Variants in BACE2 observed in about 807,000 individuals in gnomAD.
BACE2 encodes the protein 56 kDa aspartic-like protease.
In BACE2, 17 loss-of-function variants were observed where a neutral mutation model predicts 46.2. The ratio of observed to expected loss-of-function variants is 0.37; its 90% CI spans 0.25 to 0.55. BACE2 has a LOEUF of 0.55. Among genes scored for constraint, BACE2 ranks in the 20% least tolerant of loss-of-function variants. The pLI is 0.82. For synonymous variants in BACE2, 277 were observed against 295.9 expected (o/e 0.94, Z 0.66); for missense variants, 595 against 698.1 (o/e 0.85, Z 1.66).
rs567852125 is a variant in BACE2, at chr21:41,193,976, A to C, written c.312+25401A>C. On this transcript the variant is annotated intron_variant, in intron 1 of 8. Coordinates refer to ENST00000330333, the MANE Select transcript of BACE2 (RefSeq NM_012105.5). The surrounding 1 kb of genome is among the most constrained non-coding windows in gnomAD (Gnocchi z 4.2). ...TTGGGGAAGGATGGGAGAAAGATTC[A>C]CTGCATACATTGTCGGTAATGTAGT... Among the ~76,000 whole-genome samples, 1 of 152,178 alleles carries C rather than the reference A, an allele frequency of 6.6e-6. No homozygotes were observed. The highest frequency in any genetic ancestry group is 2.4e-5 in the African/African-American group (1 of 41,438).
chr21:41,184,397 A>G (rs934358393), intron 1 of BACE2: 2 of 167,090 alleles, frequency 1.2e-5, no homozygotes, highest in African/African-American at 2.4e-5. Flanking sequence ...AATTTGAAGA[A>G]CATAGTCAAC....
chr21:41,276,733 A>G lies in BACE2; in HGVS notation c.*1109A>G, dbSNP rs1042276910. The G allele has an allele frequency of 6.6e-6, 1 of 152,280 alleles. No homozygotes were observed. The allele number at this position is 152,280 out of a possible 1,614,324, so 9.4% of individuals were successfully genotyped here. A position where few individuals can be genotyped will look rare whatever the true frequency, so the allele number is the denominator to read the frequency against. On this transcript the variant is annotated 3_prime_UTR_variant, in exon 9 of 9. Transcript: ENST00000330333. ...CAGGGAAGGAAGATGCAAGATGTGC[A>G]GAAGACACAAGGTAACGTCTACTTA...
At position 41,168,217 on chromosome 21, in the gene BACE2, G is replaced by C; in HGVS notation, c.-47G>C. On this transcript the variant is annotated 5_prime_UTR_variant, in exon 1 of 9. Coordinates refer to ENST00000330333, the MANE Select transcript of BACE2 (RefSeq NM_012105.5). The stretch of plus-strand genomic sequence containing the variant: ...TCGCTGAGCCGCGGCTGCCGGACGG[G>C]ACGGGACCGGCTAGGCTGGGCGCGC... The C allele has an allele frequency of 9.3e-7, 1 of 1,075,052 alleles. No individual in the cohort carries two copies. The highest frequency in any genetic ancestry group is 5.1e-5 in the Admixed American group (1 of 19,766). The allele number at this position is 1,075,052 out of a possible 1,614,324, so 66.6% of individuals were successfully genotyped here. A position where few individuals can be genotyped will look rare whatever the true frequency, so the allele number is the denominator to read the frequency against.
rs1985630080 is a variant in BACE2 at position 41,193,118 on chromosome 21, C to CGTG, written c.312+24545_312+24547dup. 6.6e-6 allele frequency among the ~76,000 whole-genome samples: 1 copy of CGTG among 152,140 alleles called. No individual in the cohort carries two copies. Among genetic ancestry groups the CGTG allele is most frequent in the Non-Finnish European group, 1.5e-5 (1 of 68,028 alleles). On this transcript the variant is annotated intron_variant, in intron 1 of 8. Transcript: ENST00000330333. This position sits in a 1 kb window ranked among gnomAD's most constrained non-coding sequence, Gnocchi z 4.2. ...AAACTAATGGACCAGTGTGATATCT[C>CGTG]GTGGAAACGAAAAGCGATCAAGGTC...
intron 1 of BACE2, among the ~76,000 whole-genome samples, chr21:41,196,284 T>C (rs1200553692): frequency 6.9e-6 from 1 of 144,476 alleles, no homozygotes; most frequent in Admixed American, 7.0e-5. Context: ...GGTGACAGAA[T>C]GAGACTCTAT....
intron 3 of BACE2, among the ~76,000 whole-genome samples, chr21:41,239,726 G>A (rs113356532): frequency 1.2e-4 from 19 of 152,298 alleles, no homozygotes; most frequent in African/African-American, 4.6e-4. Context: ...GTGAGCTGTT[G>A]CCCCTTTGAA....
chr21:41,261,661 AT>A (rs1353816990), intron 8 of BACE2, among the ~76,000 whole-genome samples: 8 of 151,852 alleles, frequency 5.3e-5, no homozygotes, highest in Non-Finnish European at 1.2e-4. Flanking sequence ...GAAAATAGGG[AT>A]TTTTTTCTTC....
intron 2 of BACE2, among the ~76,000 whole-genome samples, chr21:41,228,046 G>C (rs922629678): frequency 1.5e-4 from 23 of 152,272 alleles, no homozygotes; most frequent in African/African-American, 5.3e-4. Context: ...TTCAAGCTTT[G>C]AGGCCAGCAG....
chr21:41,199,114 G>A lies in BACE2; in HGVS notation c.313-27152G>A, dbSNP rs964094058. Among the ~76,000 whole-genome samples the A allele has an allele frequency of 5.5e-5, 8 of 145,618 alleles. 1 individual carries two copies. Among genetic ancestry groups the A allele is most frequent in the Admixed American group, 3.7e-4 (5 of 13,692 alleles). On this transcript the variant is annotated intron_variant, in intron 1 of 8. Coordinates refer to ENST00000330333, the MANE Select transcript of BACE2 (RefSeq NM_012105.5). ...TCACTTCCCACCTATGAGTGAGAACGTGCGGTGTTTGGTTTTCTGTCCTTG... is the reference window on the plus strand; with the variant it reads ...TCACTTCCCACCTATGAGTGAGAACATGCGGTGTTTGGTTTTCTGTCCTTG...
At chr21:41,198,138 C>T (rs1490757982) in intron 1 of BACE2, among the ~76,000 whole-genome samples, 1 of 151,982 alleles carries the variant, frequency 6.6e-6, no homozygotes, top group African/African-American at 2.4e-5. Context: ...AATACAGGCA[C>T]GCCCCACCAC....
chr21:41,174,527 T>C (rs1479729167), intron 1 of BACE2, among the ~76,000 whole-genome samples: 1 of 152,088 alleles, frequency 6.6e-6, no homozygotes, highest in African/African-American at 2.4e-5. Flanking sequence ...TTTCTCTCCT[T>C]CTCCCTAGTA....
chr21:41,175,213 T>G (rs1282620950), intron 1 of BACE2: 1 of 152,218 alleles, frequency 6.6e-6, no homozygotes, highest in African/African-American at 2.4e-5. Context: ...ATGCTTGCTG[T>G]CCAGCCCAGG....
intron 1 of BACE2, among the ~76,000 whole-genome samples, chr21:41,205,213 A>G (rs962392164): frequency 6.6e-6 from 1 of 152,252 alleles, no homozygotes; most frequent in Non-Finnish European, 1.5e-5. Flanking sequence ...GGATTTGTAG[A>G]TTATCAGTCA....
rs1479169172 is a variant in BACE2 at position 41,168,431 on chromosome 21, C to A, written c.168C>A (p.His56Gln). Residue 56 changes from histidine (H) to glutamine (Q), a missense_variant, in exon 1 of 9, where the codon CAC becomes CAA. By Grantham distance (24) the His-to-Gln change is conservative. Around this residue, in one of 3 missense-constraint regions of BACE2, gnomAD observed 248 missense variants for 261.4 expected, o/e 0.95. Coordinates refer to ENST00000330333, the MANE Select transcript of BACE2 (RefSeq NM_012105.5). The stretch of plus-strand genomic sequence containing the variant: ...GACCCGGGACCCCTGCCGAGCGCCA[C>A]GCCGACGGCTTGGCGCTCGCCCTGG... Reference protein sequence around the residue: ...TPGPGTPAERHADGLALALEP... With the variant: ...TPGPGTPAERQADGLALALEP... The A allele has an allele frequency of 2.6e-5, 37 of 1,397,612 alleles. No homozygotes were observed. Among genetic ancestry groups the A allele is most frequent in the Admixed American group, 3.5e-5 (1 of 28,606 alleles). 86.6% of individuals were successfully genotyped at this position (1,397,612 alleles called of 1,614,324 possible). A position where few individuals can be genotyped will look rare whatever the true frequency, so the allele number is the denominator to read the frequency against.
rs1030778560 is a variant in BACE2, at chr21:41,173,610, G to A, written c.312+5035G>A. ...AAAATATGAAAATTAGCCAGGCATG[G>A]TGGCTTATGTCTGTAGTCCCAGCTA... On this transcript the variant is annotated intron_variant, in intron 1 of 8. Coordinates refer to ENST00000330333, the MANE Select transcript of BACE2 (RefSeq NM_012105.5). Among the ~76,000 whole-genome samples, 4 of 152,120 alleles carry A rather than the reference G, an allele frequency of 2.6e-5. No homozygotes were observed. In the East Asian group the frequency reaches 7.7e-4, roughly 29 times the overall value.
chr21:41,208,957 T>G (rs1224631100), intron 1 of BACE2, among the ~76,000 whole-genome samples: 1 of 152,160 alleles, frequency 6.6e-6, no homozygotes, highest in Non-Finnish European at 1.5e-5. Flanking sequence ...CACCATAGCC[T>G]AGGATACCTT....
At chr21:41,225,998 G>C (rs1225501437) in intron 1 of BACE2, among the ~76,000 whole-genome samples, 2 of 152,206 alleles carry the variant, frequency 1.3e-5, no homozygotes, top group Non-Finnish European at 2.9e-5. Flanking sequence ...AGGAAACCCA[G>C]TTATTTAACA....
intron 5 of BACE2, 91 bp downstream of exon 5, chr21:41,243,601 T>C: frequency 7.6e-7 from 1 of 1,320,990 alleles, no homozygotes. Context: ...CAATAGAAGG[T>C]ACATTACCTC....
chr21:41,205,677 C>T (rs1986101162), intron 1 of BACE2, among the ~76,000 whole-genome samples: 1 of 151,914 alleles, frequency 6.6e-6, no homozygotes, highest in African/African-American at 2.4e-5. Flanking sequence ...GTTGGGTGGC[C>T]GAGGAGAAAT....
Sources: allele counts gnomAD v4.1 joint callset (sites outside exome capture counted in the v4.1 genomes callset), GRCh38; gene constraint gnomAD v4.1.1; regional missense constraint gnomAD v4.1.1; non-coding constraint Gnocchi (gnomAD v3.1); transcripts MANE v1.5; gene names NCBI Gene and HGNC (gene_info 2026-07-23, HGNC 2026-07-21).